Variants in FBRSL1 observed in about 807,000 individuals in gnomAD.
The protein encoded by FBRSL1 is fibrosin-1-like protein.
FBRSL1 carries 51 observed loss-of-function variants against 89.6 expected under a neutral mutation model. That is an observed-to-expected ratio of 0.57 (90% CI 0.45 to 0.72). The LOEUF is 0.72. Ranked by LOEUF, FBRSL1 falls within the 30% of genes least tolerant of loss-of-function variation. The probability of loss-of-function intolerance (pLI) is 0.00; values close to 1 mark genes in which losing one functional copy is unlikely to be tolerated. For synonymous variants in FBRSL1, 779 were observed against 681.1 expected, an observed-to-expected ratio of 1.14 and a Z score of -2.24; for missense variants, 1,618 against 1,451.8, an observed-to-expected ratio of 1.11 and a Z score of -1.86.
chr12:132,536,059 G>A (rs955416330), intron 4 of FBRSL1, among the ~76,000 whole-genome samples: 6 of 151,120 alleles, frequency 4.0e-5, no homozygotes, highest in South Asian at 2.1e-4. Flanking sequence ...TGTGTGCCAC[G>A]TGTGCATGAT....
rs2137294021 is a variant in FBRSL1, at chr12:132,546,410, G to C, written c.616-1593G>C. The stretch of plus-strand genomic sequence containing the variant: ...TCTTGTGTGGTGGGCCGGGCTGGGC[G>C]GGTGCAGGTGGGACTGAGGCCCTTC... On this transcript the variant is annotated intron_variant, in intron 4 of 18. Transcript: ENST00000680143. The surrounding 1 kb of genome is among the most constrained non-coding windows in gnomAD (Gnocchi z 4.0). 1.3e-5 allele frequency among the ~76,000 whole-genome samples: 2 copies of C among 152,376 alleles called. 1 individual carries two copies. The highest frequency in any genetic ancestry group is 4.8e-5 in the African/African-American group (2 of 41,598).
At chr12:132,562,486 C>T (rs1025951351) in intron 5 of FBRSL1, among the ~76,000 whole-genome samples, 3 of 87,014 alleles carry the variant, frequency 3.4e-5, no homozygotes, top group African/African-American at 4.7e-5. Flanking sequence ...GGATGTCCTA[C>T]GTCACTGCCT....
chr12:132,574,368 G>A lies in FBRSL1; in HGVS notation c.1629+20G>A. ...GTCAAGGTGAGCACGTGTTGGGAAGGCCCGTGGCAAGGGAGGACTCTGGTG... is the reference window on the plus strand; with the variant it reads ...GTCAAGGTGAGCACGTGTTGGGAAGACCCGTGGCAAGGGAGGACTCTGGTG... On this transcript the variant is annotated intron_variant, in intron 13 of 18. Transcript: ENST00000680143. The A allele has an allele frequency of 6.5e-7, 1 of 1,549,882 alleles. No individual in the cohort carries two copies. The highest frequency in any genetic ancestry group is 1.2e-5 in the South Asian group (1 of 84,016).
At chr12:132,582,321 C>A in intron 18 of FBRSL1, 55 bp downstream of exon 18, 1 of 1,456,488 alleles carries the variant, frequency 6.9e-7, no homozygotes, top group Non-Finnish European at 9.3e-7. Context: ...CCGTTCTTTC[C>A]CCCCTCCCGT....
Position 132,490,534 on chromosome 12 carries a change from G to C in FBRSL1, c.-37G>C. On this transcript the variant is annotated 5_prime_UTR_variant, in exon 1 of 19. Coordinates refer to ENST00000680143, the MANE Select transcript of FBRSL1 (RefSeq NM_001367871.1). The stretch of plus-strand genomic sequence containing the variant: ...GCCTGCTGCGAGCCAGGCGCGGGGC[G>C]TCAAGGTCACCGGCCCGACGGGGCG... The C allele has an allele frequency of 2.0e-6, 2 of 979,860 alleles. No individual in the cohort carries two copies. Among genetic ancestry groups the C allele is most frequent in the Non-Finnish European group, 2.4e-6 (2 of 827,550 alleles). The allele number at this position is 979,860 out of a possible 1,614,324, so 60.7% of individuals were successfully genotyped here.
chr12:132,548,825 C>G (rs2037909718), intron 5 of FBRSL1, among the ~76,000 whole-genome samples: 1 of 152,248 alleles, frequency 6.6e-6, no homozygotes, highest in Non-Finnish European at 1.5e-5. Context: ...GGGGAATGGT[C>G]ACCCCGGCCT....
chr12:132,520,697 C>T (rs1033560619), intron 2 of FBRSL1, among the ~76,000 whole-genome samples: 7 of 152,178 alleles, frequency 4.6e-5, no homozygotes, highest in East Asian at 1.9e-4. Flanking sequence ...TGGGCAGGTT[C>T]GGGACAGAGG....
chr12:132,501,980 C>T (rs79455332), intron 1 of FBRSL1, among the ~76,000 whole-genome samples: 1,698 of 152,342 alleles, frequency 0.011, 17 homozygotes, highest in Middle Eastern at 0.034. Flanking sequence ...ATCCAAATGA[C>T]TTGCCTTTCC....
intron 1 of FBRSL1, among the ~76,000 whole-genome samples, chr12:132,500,367 C>T (rs957108162): frequency 6.6e-6 from 1 of 152,138 alleles, no homozygotes; most frequent in African/African-American, 2.4e-5. Flanking sequence ...GCAGTCACTT[C>T]CCGTGTCTAC....
chr12:132,549,719 G>A (rs985467713), intron 5 of FBRSL1, among the ~76,000 whole-genome samples: 25 of 152,280 alleles, frequency 1.6e-4, no homozygotes, highest in African/African-American at 5.3e-4. Context: ...CGATGCCGGC[G>A]GGGAAGGCTG....
Position 132,509,776 on chromosome 12 carries a change from C to T in FBRSL1, c.489+1426C>T, listed in dbSNP as rs2034119560. The T allele has an allele frequency of 2.4e-6, 3 of 1,231,350 alleles. No individual in the cohort carries two copies. The highest frequency in any genetic ancestry group is 1.6e-5 in the African/African-American group (1 of 64,496). The allele number at this position is 1,231,350 out of a possible 1,614,324, so 76.3% of individuals were successfully genotyped here. On this transcript the variant is annotated intron_variant, in intron 2 of 18. Transcript: ENST00000680143. Reference sequence around the variant, plus strand: ...TGTGGCCAGCCCGGTAGGGCATCCTCAGGACAGCGCAGCCGGCCCCTGTGG... The same window carrying T: ...TGTGGCCAGCCCGGTAGGGCATCCTTAGGACAGCGCAGCCGGCCCCTGTGG...
In FBRSL1 at chr12:132,499,180, G is replaced by T. The variant is rs1480998410; in HGVS notation, c.291+8319G>T. ...TCTGCTCTGCCCAGGTCTTGATGCT[G>T]CACAGTGGAGCCTCCAGGGCCGGCC... On this transcript the variant is annotated intron_variant, in intron 1 of 18. Transcript: ENST00000680143. This position sits in a 1 kb window ranked among gnomAD's most constrained non-coding sequence, Gnocchi z 4.3. Among the ~76,000 whole-genome samples, 1 of 152,240 alleles carries T rather than the reference G, an allele frequency of 6.6e-6. No homozygotes were observed. Among genetic ancestry groups the T allele is most frequent in the Admixed American group, 6.5e-5 (1 of 15,290 alleles).
At chr12:132,510,358 A>G (rs1197745013) in intron 2 of FBRSL1, 1 of 1,231,168 alleles carries the variant, frequency 8.1e-7, no homozygotes, top group Non-Finnish European at 1.0e-6. Flanking sequence ...GCCCTGGGCC[A>G]TCCCTGCCGG....
chr12:132,492,059 C>T lies in FBRSL1; in HGVS notation c.291+1198C>T, dbSNP rs577494133. On this transcript the variant is annotated intron_variant, in intron 1 of 18. Coordinates refer to ENST00000680143, the MANE Select transcript of FBRSL1 (RefSeq NM_001367871.1). ...GGATGGCCCTGGGGCTGTCTTCTGC[C>T]CTCTCAGTGGTGATAATGACACAGA... Among the ~76,000 whole-genome samples the T allele has an allele frequency of 8.5e-5, 13 of 152,316 alleles. No homozygotes were observed. The East Asian group carries it at 2.1e-3, about 25-fold the overall frequency.
In FBRSL1 at chr12:132,579,134, C is replaced by T. The variant is rs548422772; in HGVS notation, c.1834+2203C>T. On this transcript the variant is annotated intron_variant, in intron 15 of 18. Transcript: ENST00000680143. ...CTGCGAGGCTGGGCCCCCTCAGTCC[C>T]GGGGCCAGTGCTGCCTCCTCCATCT... is the stretch of plus-strand genomic sequence containing the variant. Among the ~76,000 whole-genome samples, 4 of 152,336 alleles carry T rather than the reference C, an allele frequency of 2.6e-5. No individual in the cohort carries two copies. In the East Asian group the frequency reaches 5.8e-4, roughly 22 times the overall value.
At chr12:132,510,197 C>T in intron 2 of FBRSL1, 1 of 1,231,722 alleles carries the variant, frequency 8.1e-7, no homozygotes, top group Non-Finnish European at 1.0e-6. Flanking sequence ...ACAAGCCCTG[C>T]AAACCCCAGC....
intron 4 of FBRSL1, among the ~76,000 whole-genome samples, chr12:132,539,273 A>G (rs2037018068): frequency 6.6e-6 from 1 of 152,030 alleles, no homozygotes; most frequent in Non-Finnish European, 1.5e-5. Flanking sequence ...GCTGGCCGTC[A>G]GGTGGGCCAG....
intron 4 of FBRSL1, among the ~76,000 whole-genome samples, chr12:132,539,209 C>G (rs1275055720): frequency 6.6e-6 from 1 of 152,102 alleles, no homozygotes; most frequent in African/African-American, 2.4e-5. Context: ...AGAAGAAAGG[C>G]CTGGGGAGCG....
chr12:132,554,197 G>A (rs2038424525), intron 5 of FBRSL1: 1 of 152,256 alleles, frequency 6.6e-6, no homozygotes, highest in African/African-American at 2.4e-5. Context: ...CCTTGGGAGG[G>A]GTCAGCAGTT....
Sources: allele counts gnomAD v4.1 joint callset (sites outside exome capture counted in the v4.1 genomes callset), GRCh38; gene constraint gnomAD v4.1.1; non-coding constraint Gnocchi (gnomAD v3.1); transcripts MANE v1.5; gene names NCBI Gene and HGNC (gene_info 2026-07-23, HGNC 2026-07-21).